The following LIPA variants were observed in gnomAD, a reference collection of about 807,000 sequenced individuals.
The protein encoded by LIPA is lipase A, lysosomal acid type.
In LIPA, 26 loss-of-function variants were observed where a neutral mutation model predicts 40.6. The ratio of observed to expected loss-of-function variants is 0.64; its 90% CI spans 0.47 to 0.89. The LOEUF is 0.89. Among genes scored for constraint, LIPA ranks in the 40% least tolerant of loss-of-function variants. The pLI is 0.00. For missense variants in LIPA, 455 were observed against 479.6 expected, an observed-to-expected ratio of 0.95 and a Z score of 0.48; for synonymous variants, 188 against 168.4, an observed-to-expected ratio of 1.12 and a Z score of -0.90.
At chr10:89,281,152 T>A (rs1186459521) in intron 1 of LIPA, among the ~76,000 whole-genome samples, 1 of 152,312 alleles carries the variant, frequency 6.6e-6, no homozygotes, top group Non-Finnish European at 1.5e-5. Flanking sequence ...TTTAGGCAGG[T>A]TCCTTTTTAG....
At chr10:89,229,289 G>C (rs75867491) in intron 3 of LIPA, among the ~76,000 whole-genome samples, 4,336 of 152,288 alleles carry the variant, frequency 0.028, 211 homozygotes, top group African/African-American at 0.098. Context: ...CAAAACTATA[G>C]AGAGAGTAAA....
chr10:89,274,856 G>T (rs972980609), intron 1 of LIPA, among the ~76,000 whole-genome samples: 4 of 152,174 alleles, frequency 2.6e-5, no homozygotes, highest in African/African-American at 9.7e-5. Flanking sequence ...GAATTAATTT[G>T]TTGATGCTGC....
chr10:89,403,704 G>A, intron 2 of LIPA: 1 of 1,553,966 alleles, frequency 6.4e-7, no homozygotes, highest in Non-Finnish European at 8.7e-7. Flanking sequence ...TGTGAGACAA[G>A]GTCCTTAGGC....
chr10:89,409,213 G>A (rs1316523464), intron 2 of LIPA, among the ~76,000 whole-genome samples: 1 of 152,132 alleles, frequency 6.6e-6, no homozygotes, highest in East Asian at 1.9e-4. Context: ...AACAAAATTT[G>A]GAGGCATTAT....
At chr10:89,287,182 G>T (rs1228807302) in intron 1 of LIPA, among the ~76,000 whole-genome samples, 1 of 152,154 alleles carries the variant, frequency 6.6e-6, no homozygotes, top group Non-Finnish European at 1.5e-5. Flanking sequence ...GACACTGCCC[G>T]ATCACCTGAG....
In LIPA at chr10:89,245,786, A is replaced by G; in HGVS notation, c.119T>C (p.Ile40Thr). The change falls in exon 3 of 10, where the codon ATT becomes ACT. Residue 40 changes from isoleucine to threonine, a missense_variant. Transcript: ENST00000336233. Reference protein sequence around the residue: ...DPETNMNVSEIISYWGFPSEE... With the variant: ...DPETNMNVSETISYWGFPSEE... The stretch of plus-strand genomic sequence containing the variant: ...ACTAGGGAATCCCCAGTAAGAGATA[A>G]TTTCACTCTGTAGAGAAAAAGGACG... 4.0e-6 allele frequency: 6 copies of G among 1,516,130 alleles called. No homozygotes were observed. Among genetic ancestry groups the G allele is most frequent in the Non-Finnish European group, 5.5e-6 (6 of 1,090,604 alleles). The allele number at this position is 1,516,130 out of a possible 1,614,324, so 93.9% of individuals were successfully genotyped here. A position where few individuals can be genotyped will look rare whatever the true frequency, so the allele number is the denominator to read the frequency against.
At position 89,403,816 on chromosome 10, in the gene LIPA, A is replaced by G. The variant is rs1844483939; in HGVS notation, c.61+8975T>C. The G allele has an allele frequency of 1.5e-5, 10 of 662,166 alleles. No individual in the cohort carries two copies. In the Admixed American group the frequency reaches 3.0e-4, roughly 20 times the overall value. 41.0% of individuals were successfully genotyped at this position (662,166 alleles called of 1,614,324 possible). On this transcript the variant is annotated intron_variant, in intron 2 of 8. Transcript: ENST00000371837. ...TTCAGAAACATTATAATTCACTGTA[A>G]TGATGTAATTCTTGAATAATAAATC...
intron 2 of LIPA, among the ~76,000 whole-genome samples, chr10:89,399,217 GTTGT>G (rs1844387237): frequency 6.6e-6 from 1 of 152,042 alleles, no homozygotes; most frequent in Non-Finnish European, 1.5e-5. Context: ...TTCTTAATCA[GTTGT>G]TTGTTTTTTG....
intron 2 of LIPA, among the ~76,000 whole-genome samples, chr10:89,364,226 C>G (rs1003480847): frequency 6.6e-6 from 1 of 152,190 alleles, no homozygotes; most frequent in African/African-American, 2.4e-5. Context: ...TATCACTGCA[C>G]CCCTTTGTCA....
intron 2 of LIPA, among the ~76,000 whole-genome samples, chr10:89,365,720 T>C (rs1210082435): frequency 6.6e-6 from 1 of 152,168 alleles, no homozygotes; most frequent in Non-Finnish European, 1.5e-5. Flanking sequence ...CCTTTCCCCA[T>C]TGCTTGTTTT....
Position 89,384,816 on chromosome 10 carries a change from A to C in LIPA, c.61+27975T>G, listed in dbSNP as rs575748228. On this transcript the variant is annotated intron_variant, in intron 2 of 8. Coordinates refer to the LIPA transcript ENST00000371837. ...ATGAAATTAAATAATGCAAACTTAA[A>C]GCTGTTGGAAATTTACCTTATTTTG... 3.2e-5 allele frequency: 41 copies of C among 1,294,550 alleles called. 2 individuals are homozygous for C. The Middle Eastern group carries it at 7.3e-4, about 23-fold the overall frequency. 80.2% of individuals were successfully genotyped at this position (1,294,550 alleles called of 1,614,324 possible).
Position 89,403,561 on chromosome 10 carries a change from A to G in LIPA, c.61+9230T>C, listed in dbSNP as rs775189682. 8.7e-6 allele frequency: 14 copies of G among 1,613,968 alleles called. 1 individual carries two copies. The South Asian group carries it at 1.4e-4, about 16-fold the overall frequency. On this transcript the variant is annotated intron_variant, in intron 2 of 8. Coordinates refer to the LIPA transcript ENST00000371837. The stretch of plus-strand genomic sequence containing the variant: ...TCTTTGAAGAAATTGGTTTTAAGGA[A>G]ACTTCGGAGAAAGGCATTAGATCTG...
intron 1 of LIPA, among the ~76,000 whole-genome samples, chr10:89,414,186 G>C (rs1211371376): frequency 1.3e-5 from 2 of 152,168 alleles, no homozygotes; most frequent in East Asian, 3.8e-4. Flanking sequence ...ACACCCAACA[G>C]AAATAACAGC....
intron 2 of LIPA, chr10:89,404,480 G>A (rs1844497090): frequency 6.6e-6 from 1 of 152,360 alleles, no homozygotes; most frequent in East Asian, 1.9e-4. Context: ...CAGAATGCAT[G>A]TGACATACAT....
intron 1 of LIPA, among the ~76,000 whole-genome samples, chr10:89,317,134 T>C (rs1045524006): frequency 6.6e-6 from 1 of 152,158 alleles, no homozygotes; most frequent in Non-Finnish European, 1.5e-5. Flanking sequence ...AGCTGAAAAT[T>C]CTAAAAAATC....
At chr10:89,248,740 A>G (rs1000847430) in intron 1 of LIPA, among the ~76,000 whole-genome samples, 1 of 151,750 alleles carries the variant, frequency 6.6e-6, no homozygotes, top group Admixed American at 6.6e-5. Flanking sequence ...TCGGCCTCCC[A>G]AAGTGCTGGG....
chr10:89,295,322 A>C (rs1843406719), intron 1 of LIPA, among the ~76,000 whole-genome samples: 1 of 152,250 alleles, frequency 6.6e-6, no homozygotes, highest in African/African-American at 2.4e-5. Context: ...CTAGGTGGAC[A>C]AAACTTCAGT....
intron 1 of LIPA, among the ~76,000 whole-genome samples, chr10:89,258,301 C>T (rs1843190999): frequency 6.6e-6 from 1 of 151,984 alleles, no homozygotes; most frequent in Non-Finnish European, 1.5e-5. Context: ...CATACACATA[C>T]ATTTGAAAGT....
intron 1 of LIPA, among the ~76,000 whole-genome samples, chr10:89,263,000 A>G (rs545373724): frequency 2.0e-5 from 3 of 152,346 alleles, no homozygotes; most frequent in South Asian, 4.1e-4. Context: ...CTGAGGCAGA[A>G]TAAAAGGGAG....
Sources: gnomAD v4.1 joint callset for allele counts (sites outside exome capture counted in the v4.1 genomes callset) on GRCh38, gnomAD v4.1.1 for gene constraint, MANE v1.5 for transcripts, NCBI Gene and HGNC (gene_info 2026-07-23, HGNC 2026-07-21) for gene names.